The following PEMT variants were observed in gnomAD, a reference collection of about 807,000 sequenced individuals.
PEMT encodes phospholipid methyltransferase.
In PEMT, 23 loss-of-function variants were observed where a neutral mutation model predicts 27.4. The ratio of observed to expected loss-of-function variants is 0.84; its 90% CI spans 0.60 to 1.19. PEMT has a LOEUF of 1.19. PEMT is among the 50% of genes most tolerant of loss of function. The pLI is 0.00. For missense variants in PEMT, 307 were observed against 310.1 expected, an observed-to-expected ratio of 0.99 and a Z score of 0.07; for synonymous variants, 137 against 139.1, an observed-to-expected ratio of 0.98 and a Z score of 0.11.
upstream of PEMT, chr17:17,592,076 G>C (rs1456018862): frequency 1.0e-6 from 1 of 985,406 alleles, no homozygotes. Flanking sequence ...ACTTGGCCCG[G>C]GTCACACACG....
At chr17:17,506,138 A>T (rs1218319848) in intron 6 of PEMT, 89 bp downstream of exon 6, 1 of 1,193,064 alleles carries the variant, frequency 8.4e-7, no homozygotes, top group African/African-American at 1.5e-5. Context: ...GCCTGTCCTG[A>T]GCCTGCCCTG....
intron 4 of PEMT, among the ~76,000 whole-genome samples, chr17:17,510,795 C>T (rs928360421): frequency 6.6e-6 from 1 of 152,162 alleles, no homozygotes; most frequent in African/African-American, 2.4e-5. Context: ...TGAGGGGCTC[C>T]ACCCACCATC....
At chr17:17,580,211 C>T (rs1349924236) in intron 1 of PEMT, among the ~76,000 whole-genome samples, 2 of 152,058 alleles carry the variant, frequency 1.3e-5, no homozygotes, top group Non-Finnish European at 2.9e-5. Context: ...CCAGTCTAGG[C>T]ATGGTGGCCT....
At chr17:17,519,976 G>A (rs952400143) in intron 3 of PEMT, among the ~76,000 whole-genome samples, 6 of 152,162 alleles carry the variant, frequency 3.9e-5, no homozygotes, top group Non-Finnish European at 7.4e-5. Context: ...GCTTTGTGCC[G>A]GCCCTGATGG....
Position 17,516,430 on chromosome 17 carries a change from G to C in PEMT, c.321-3776C>G, listed in dbSNP as rs70963027. On this transcript the variant is annotated intron_variant, in intron 3 of 6. Coordinates refer to ENST00000255389, the MANE Select transcript of PEMT (RefSeq NM_148172.3). ...AAAGTGTTTCCAGAACCCATCAATA[G>C]CTGAGAGAGAGTCTGTCTTGTTTTA... is the stretch of plus-strand genomic sequence containing the variant. Among the ~76,000 whole-genome samples the C allele has an allele frequency of 3.9e-4, 59 of 152,022 alleles. 1 individual carries two copies. In the East Asian group the frequency reaches 9.9e-3, roughly 25 times the overall value.
intron 3 of PEMT, chr17:17,518,150 C>T: frequency 1.0e-6 from 1 of 985,506 alleles, no homozygotes; most frequent in South Asian, 4.7e-5. Context: ...CAGTTCCATC[C>T]CGTGACTGGT....
intron 2 of PEMT, among the ~76,000 whole-genome samples, chr17:17,534,505 C>T (rs574154440): frequency 2.0e-5 from 3 of 152,326 alleles, no homozygotes; most frequent in Admixed American, 6.5e-5. Flanking sequence ...AACCTGAGTA[C>T]GTGCCTCCTG....
At chr17:17,568,332 T>G (rs1228826665) in intron 2 of PEMT, among the ~76,000 whole-genome samples, 1 of 152,198 alleles carries the variant, frequency 6.6e-6, no homozygotes, top group Non-Finnish European at 1.5e-5. Context: ...TTATGCTCTC[T>G]CCGTAACTCC....
intron 2 of PEMT, among the ~76,000 whole-genome samples, chr17:17,549,585 C>T (rs924059043): frequency 1.3e-5 from 2 of 152,244 alleles, no homozygotes; most frequent in Non-Finnish European, 2.9e-5. Context: ...GCTGGGATTA[C>T]AGTCATGGGC....
At chr17:17,586,260 G>GAAATAAAT (rs1461489024) in intron 1 of PEMT, among the ~76,000 whole-genome samples, 4 of 107,366 alleles carry the variant, frequency 3.7e-5, no homozygotes, top group Admixed American at 9.7e-5. Context: ...AAGAAAGAAA[G>GAAATAAAT]AAAGAAAGAA....
intron 2 of PEMT, among the ~76,000 whole-genome samples, chr17:17,567,015 T>C (rs1910870610): frequency 1.3e-5 from 2 of 152,384 alleles, no homozygotes; most frequent in African/African-American, 4.8e-5. Flanking sequence ...AGGGTGATTC[T>C]GCTCACACTA....
intron 2 of PEMT, among the ~76,000 whole-genome samples, chr17:17,528,476 G>A (rs1328147697): frequency 2.6e-5 from 4 of 152,226 alleles, no homozygotes; most frequent in Non-Finnish European, 1.5e-5. Flanking sequence ...ATACATCAGC[G>A]CTCCGAGGCC....
intron 2 of PEMT, among the ~76,000 whole-genome samples, chr17:17,553,562 T>G (rs1379153957): frequency 3.3e-5 from 5 of 152,158 alleles, no homozygotes; most frequent in Non-Finnish European, 4.4e-5. Context: ...ACTCTGCACT[T>G]TTTAAGCCCA....
At chr17:17,578,951 A>G (rs982533780) in intron 1 of PEMT, among the ~76,000 whole-genome samples, 3 of 152,250 alleles carry the variant, frequency 2.0e-5, no homozygotes, top group Admixed American at 6.5e-5. Flanking sequence ...AAAAAATTAA[A>G]AACAAAAAAT....
chr17:17,559,209 A>G (rs1400323476), intron 2 of PEMT, among the ~76,000 whole-genome samples: 1 of 152,178 alleles, frequency 6.6e-6, no homozygotes, highest in Admixed American at 6.5e-5. Flanking sequence ...GCCTGGCTCC[A>G]AGACATAGGA....
At chr17:17,526,959 C>T (rs141009195) in intron 2 of PEMT, among the ~76,000 whole-genome samples, 8 of 152,284 alleles carry the variant, frequency 5.3e-5, no homozygotes, top group Non-Finnish European at 1.0e-4. Flanking sequence ...GGAACAAGAC[C>T]CTTTCCTAGA....
chr17:17,573,205 C>A (rs1383321310), intron 2 of PEMT, among the ~76,000 whole-genome samples: 6 of 144,984 alleles, frequency 4.1e-5, no homozygotes, highest in African/African-American at 1.5e-4. Flanking sequence ...AAAAAAAAGG[C>A]CTGGCGCGGT....
Position 17,508,701 on chromosome 17 carries a change from C to T in PEMT, c.578+733G>A, listed in dbSNP as rs750552007. ...CAGCGCCCGCTGTGCCATCCTTGAC[C>T]GCAGGTCCTCTGACCCGCCGGGGGA... On this transcript the variant is annotated intron_variant, in intron 5 of 6. Transcript: ENST00000255389. 3.8e-5 allele frequency: 17 copies of T among 445,916 alleles called. No individual in the cohort carries two copies. In the East Asian group the frequency reaches 9.9e-4, roughly 26 times the overall value. 27.6% of individuals were successfully genotyped at this position (445,916 alleles called of 1,614,324 possible).
At chr17:17,586,203 A>C (rs923820179) in intron 1 of PEMT, among the ~76,000 whole-genome samples, 4 of 143,356 alleles carry the variant, frequency 2.8e-5, no homozygotes, top group African/African-American at 1.1e-4. Flanking sequence ...GGAAGGAAAG[A>C]AAGAAAGAAA....
Sources: gnomAD v4.1 joint callset for allele counts (sites outside exome capture counted in the v4.1 genomes callset) on GRCh38, gnomAD v4.1.1 for gene constraint, MANE v1.5 for transcripts, NCBI Gene and HGNC (gene_info 2026-07-23, HGNC 2026-07-21) for gene names.